The following PARN variants were observed in gnomAD, a reference collection of about 807,000 sequenced individuals.
PARN encodes poly(A)-specific ribonuclease.
In PARN, 71 loss-of-function variants were observed where a neutral mutation model predicts 102.8. The observed-to-expected ratio is 0.69, with a 90% confidence interval of 0.57 to 0.84. The LOEUF is 0.84. Among genes scored for constraint, PARN ranks in the 40% least tolerant of loss-of-function variants. The pLI is 0.00. For missense variants in PARN, 782 were observed against 760.9 expected (o/e 1.03, Z -0.33); for synonymous variants, 261 against 252.9 (o/e 1.03, Z -0.30).
At chr16:14,552,350 G>C (rs1422329632) in intron 20 of PARN, among the ~76,000 whole-genome samples, 1 of 152,182 alleles carries the variant, frequency 6.6e-6, no homozygotes, top group African/African-American at 2.4e-5. Flanking sequence ...TAACACAATA[G>C]AAAGATCCTT....
At chr16:14,561,449 A>G (rs2151720084) in intron 18 of PARN, among the ~76,000 whole-genome samples, 1 of 152,346 alleles carries the variant, frequency 6.6e-6, no homozygotes, top group East Asian at 1.9e-4. Flanking sequence ...AATTACCACT[A>G]AAGATGATGC....
intron 6 of PARN, among the ~76,000 whole-genome samples, chr16:14,612,478 G>A (rs1281557172): frequency 1.3e-5 from 2 of 152,130 alleles, no homozygotes; most frequent in African/African-American, 4.8e-5. Flanking sequence ...TTGCTATTTG[G>A]TTCAAGCGAT....
At chr16:14,626,869 G>A (rs754785858) in intron 5 of PARN, among the ~76,000 whole-genome samples, 7 of 151,778 alleles carry the variant, frequency 4.6e-5, no homozygotes, top group African/African-American at 1.2e-4. Flanking sequence ...CGCCCTCCCC[G>A]GCCTCCCAAA....
At chr16:14,516,862 C>A (rs1965487502) in intron 21 of PARN, among the ~76,000 whole-genome samples, 1 of 152,040 alleles carries the variant, frequency 6.6e-6, no homozygotes, top group Non-Finnish European at 1.5e-5. Context: ...TTTGCTCTGA[C>A]AATGTAAATA....
chr16:14,600,063 TTAGA>T, intron 11 of PARN, 103 bp from the exon 12 acceptor site: 5 of 606,990 alleles, frequency 8.2e-6, no homozygotes, highest in Admixed American at 3.3e-5. Context: ...TTGTATCAAG[TTAGA>T]TAGCTTTAGT....
In PARN at chr16:14,630,233, G is replaced by A. The variant is rs962745992; in HGVS notation, c.-108C>T. On this transcript the variant is annotated 5_prime_UTR_variant, in exon 1 of 24. Coordinates refer to ENST00000437198, the MANE Select transcript of PARN (RefSeq NM_002582.4). ...CGGCAGTAGCTGAGGCAGCCGCAGCGGTGACGCCGGCCGCGACTTCCGGAA... is the reference window on the plus strand; with the variant it reads ...CGGCAGTAGCTGAGGCAGCCGCAGCAGTGACGCCGGCCGCGACTTCCGGAA... 11 of 976,378 alleles carry A rather than the reference G, an allele frequency of 1.1e-5. No homozygotes were observed. The East Asian group carries it at 1.1e-4, about 10-fold the overall frequency. The allele number at this position is 976,378 out of a possible 1,614,324, so 60.5% of individuals were successfully genotyped here. A position where few individuals can be genotyped will look rare whatever the true frequency, so the allele number is the denominator to read the frequency against.
At chr16:14,605,993 G>A (rs757303776) in intron 10 of PARN, among the ~76,000 whole-genome samples, 1 of 152,094 alleles carries the variant, frequency 6.6e-6, no homozygotes, top group Non-Finnish European at 1.5e-5. Flanking sequence ...ATAGATCACC[G>A]TTATCATGCT....
intron 21 of PARN, among the ~76,000 whole-genome samples, chr16:14,543,639 T>C (rs1331264233): frequency 6.6e-6 from 1 of 152,138 alleles, no homozygotes; most frequent in Non-Finnish European, 1.5e-5. Flanking sequence ...AAGTTATGGA[T>C]AGATATTTAA....
intron 11 of PARN, among the ~76,000 whole-genome samples, chr16:14,602,920 A>T (rs1970963441): frequency 6.6e-6 from 1 of 151,734 alleles, no homozygotes; most frequent in African/African-American, 2.4e-5. Flanking sequence ...ATCATCTCGT[A>T]TCTTTTTTTT....
chr16:14,444,239 C>T (rs574582188), intron 23 of PARN, among the ~76,000 whole-genome samples: 3 of 152,196 alleles, frequency 2.0e-5, no homozygotes, highest in South Asian at 4.2e-4. Flanking sequence ...ATGAATGGTG[C>T]TCCAGAAGAA....
chr16:14,540,840 A>G (rs1402062413), intron 21 of PARN, among the ~76,000 whole-genome samples: 1 of 151,934 alleles, frequency 6.6e-6, no homozygotes, highest in African/African-American at 2.4e-5. Context: ...AGTCCCAGCT[A>G]CTCAGGAGGC....
chr16:14,519,984 C>T (rs1192230728), intron 21 of PARN, among the ~76,000 whole-genome samples: 3 of 152,126 alleles, frequency 2.0e-5, no homozygotes, highest in Admixed American at 1.3e-4. Context: ...AGATGTGCTT[C>T]CTGATGGAAG....
At chr16:14,609,363 C>T (rs994035457) in intron 7 of PARN, among the ~76,000 whole-genome samples, 1 of 151,650 alleles carries the variant, frequency 6.6e-6, no homozygotes, top group Non-Finnish European at 1.5e-5. Flanking sequence ...CCCAGGAGTT[C>T]GCGACCAGCC....
intron 21 of PARN, among the ~76,000 whole-genome samples, chr16:14,540,979 T>C (rs952918653): frequency 1.3e-5 from 2 of 151,706 alleles, no homozygotes; most frequent in African/African-American, 4.8e-5. Flanking sequence ...ATAGATGCCA[T>C]AAGGGTTACA....
intron 3 of PARN, among the ~76,000 whole-genome samples, chr16:14,627,911 T>C (rs1972777922): frequency 6.6e-6 from 1 of 152,070 alleles, no homozygotes. Flanking sequence ...TGGGAGGCTG[T>C]GGCAGGAGAA....
At chr16:14,629,828 G>A (rs950602827) in intron 1 of PARN, among the ~76,000 whole-genome samples, 154 bp from the exon 2 acceptor site, 9 of 152,224 alleles carry the variant, frequency 5.9e-5, no homozygotes, top group African/African-American at 2.2e-4. Context: ...GTCCTCGAGG[G>A]GTGCATGGGT....
At chr16:14,605,350 T>C (rs1190230748) in intron 10 of PARN, among the ~76,000 whole-genome samples, 2 of 152,220 alleles carry the variant, frequency 1.3e-5, no homozygotes, top group Admixed American at 1.3e-4. Context: ...TTCCATGACA[T>C]TTTCCTACGG....
chr16:14,559,261 A>G (rs1320773081), intron 18 of PARN, among the ~76,000 whole-genome samples: 1 of 151,272 alleles, frequency 6.6e-6, no homozygotes, highest in Non-Finnish European at 1.5e-5. Flanking sequence ...ATTTTTTTCC[A>G]TTTAGATGTT....
chr16:14,607,356 T>C lies in PARN; in HGVS notation c.660-830A>G, dbSNP rs1487857823. Among the ~76,000 whole-genome samples the C allele has an allele frequency of 3.9e-5, 6 of 152,172 alleles. No individual in the cohort carries two copies. In the East Asian group the frequency reaches 5.8e-4, roughly 15 times the overall value. On this transcript the variant is annotated intron_variant, in intron 9 of 23. Coordinates refer to ENST00000437198, the MANE Select transcript of PARN (RefSeq NM_002582.4). ...CCAAGTAGCTGGGATTACAGGCATG[T>C]GCCACCATGTCCGGCTAAATTTTGT...
Sources: gnomAD v4.1 joint callset for allele counts (sites outside exome capture counted in the v4.1 genomes callset) on GRCh38, gnomAD v4.1.1 for gene constraint, MANE v1.5 for transcripts, NCBI Gene and HGNC (gene_info 2026-07-23, HGNC 2026-07-21) for gene names.